Variants in BRIP1 observed in about 807,000 individuals in gnomAD.
BRIP1 encodes the protein Fanconi anemia group J protein.
BRIP1 carries 88 observed loss-of-function variants against 119.7 expected under a neutral mutation model. The ratio of observed to expected loss-of-function variants is 0.74; its 90% CI spans 0.62 to 0.88. The LOEUF is 0.88. Ranked by LOEUF, BRIP1 falls within the 40% of genes least tolerant of loss-of-function variation. The pLI, the probability that BRIP1 is intolerant of heterozygous loss-of-function variation, is 0.00. For synonymous variants in BRIP1, 443 were observed against 496.5 expected, an observed-to-expected ratio of 0.89 and a Z score of 1.43; for missense variants, 1,259 against 1,455.4, an observed-to-expected ratio of 0.87 and a Z score of 2.20.
chr17:61,732,673 A>G (rs2076865275), intron 16 of BRIP1, among the ~76,000 whole-genome samples: 1 of 152,178 alleles, frequency 6.6e-6, no homozygotes, highest in Non-Finnish European at 1.5e-5. Flanking sequence ...TAAGTGCATG[A>G]CAAAACATTC....
At chr17:61,800,976 A>G (rs1245275701) in intron 8 of BRIP1, among the ~76,000 whole-genome samples, 3 of 152,210 alleles carry the variant, frequency 2.0e-5, no homozygotes, top group Non-Finnish European at 4.4e-5. Context: ...ATGTTTCTAA[A>G]TAATTCTTTT....
In BRIP1 at chr17:61,690,699, G is replaced by C. The variant is rs1241311670; in HGVS notation, c.2575+2731C>G. ...ACTAAGAATCCTAGCCAGACTATTAGGCAAGAAAATGAAATAAAAGGAATC... is the reference window on the plus strand; with the variant it reads ...ACTAAGAATCCTAGCCAGACTATTACGCAAGAAAATGAAATAAAAGGAATC... On this transcript the variant is annotated intron_variant, in intron 18 of 19. Transcript: ENST00000259008. The surrounding 1 kb of genome is among the most constrained non-coding windows in gnomAD (Gnocchi z 5.6). Among the ~76,000 whole-genome samples, 1 of 151,832 alleles carries C rather than the reference G, an allele frequency of 6.6e-6. No individual in the cohort carries two copies. Among genetic ancestry groups the C allele is most frequent in the African/African-American group, 2.4e-5 (1 of 41,310 alleles).
At position 61,823,738 on chromosome 17, in the gene BRIP1, T is replaced by C. The variant is rs1253857598; in HGVS notation, c.628-14981A>G. Among the ~76,000 whole-genome samples the C allele has an allele frequency of 6.8e-6, 1 of 147,780 alleles. No individual in the cohort carries two copies. Among genetic ancestry groups the C allele is most frequent in the African/African-American group, 2.5e-5 (1 of 39,512 alleles). ...AAAACCATAGATCCAAAAAGCTCAA[T>C]GACCCCAAGCACACAATAAACACAC... On this transcript the variant is annotated intron_variant, in intron 6 of 19. Coordinates refer to ENST00000259008, the MANE Select transcript of BRIP1 (RefSeq NM_032043.3). This position sits in a 1 kb window ranked among gnomAD's most constrained non-coding sequence, Gnocchi z 4.8.
intron 18 of BRIP1, among the ~76,000 whole-genome samples, chr17:61,688,884 A>C (rs1329332014): frequency 1.3e-5 from 2 of 152,066 alleles, no homozygotes; most frequent in Admixed American, 6.6e-5. Context: ...AATACAAAAA[A>C]GAACTAAAGA....
rs1480624874 is a variant in BRIP1, at chr17:61,720,929, C to T, written c.2380-4866G>A. Reference sequence around the variant, plus strand: ...CATGATCTTGGCTCACTGCAACCTCCGCCTCCCAGGTTCAAGCAGTTCTCC... The same window carrying T: ...CATGATCTTGGCTCACTGCAACCTCTGCCTCCCAGGTTCAAGCAGTTCTCC... On this transcript the variant is annotated intron_variant, in intron 16 of 19. Coordinates refer to ENST00000259008, the MANE Select transcript of BRIP1 (RefSeq NM_032043.3). This position sits in a 1 kb window ranked among gnomAD's most constrained non-coding sequence, Gnocchi z 4.3. Among the ~76,000 whole-genome samples the T allele has an allele frequency of 4.6e-5, 7 of 151,514 alleles. No homozygotes were observed. The highest frequency in any genetic ancestry group is 1.3e-4 in the Admixed American group (2 of 15,234).
In BRIP1 at chr17:61,697,886, A is replaced by C. The variant is rs530771408; in HGVS notation, c.2493-4374T>G. On this transcript the variant is annotated intron_variant, in intron 17 of 19. Coordinates refer to ENST00000259008, the MANE Select transcript of BRIP1 (RefSeq NM_032043.3). Reference sequence around the variant, plus strand: ...AGTGGCATGATCTCAGCTCACTGAAACCTCCGCCCCCTGGGCTCAAGCAGT... The same window carrying C: ...AGTGGCATGATCTCAGCTCACTGAACCCTCCGCCCCCTGGGCTCAAGCAGT... Among the ~76,000 whole-genome samples, 14 of 151,746 alleles carry C rather than the reference A, an allele frequency of 9.2e-5. No individual in the cohort carries two copies. The East Asian group carries it at 2.5e-3, about 27-fold the overall frequency.
intron 14 of BRIP1, among the ~76,000 whole-genome samples, chr17:61,765,666 C>T (rs2077363147): frequency 6.6e-6 from 1 of 150,474 alleles, no homozygotes; most frequent in South Asian, 2.1e-4. Context: ...AACTCCTGAC[C>T]TCAGGTGATC....
rs769880594 is a variant in BRIP1, at chr17:61,748,599, T to C, written c.2098-4008A>G. On this transcript the variant is annotated intron_variant, in intron 14 of 19. Transcript: ENST00000259008. The surrounding 1 kb of genome is among the most constrained non-coding windows in gnomAD (Gnocchi z 4.7). ...AAACCCACCATAATCAAAATAGTAATTGCATTGCCATAAAGACAGACATAT... is the reference window on the plus strand; with the variant it reads ...AAACCCACCATAATCAAAATAGTAACTGCATTGCCATAAAGACAGACATAT... Among the ~76,000 whole-genome samples, 1 of 152,094 alleles carries C rather than the reference T, an allele frequency of 6.6e-6. No homozygotes were observed. Among genetic ancestry groups the C allele is most frequent in the African/African-American group, 2.4e-5 (1 of 41,400 alleles).
intron 16 of BRIP1, among the ~76,000 whole-genome samples, chr17:61,721,419 G>A (rs1158091972): frequency 6.6e-6 from 1 of 151,752 alleles, no homozygotes; most frequent in Non-Finnish European, 1.5e-5. Context: ...ACAGGCGTGT[G>A]CCACCACGCC....
intron 10 of BRIP1, among the ~76,000 whole-genome samples, chr17:61,788,692 A>T (rs560106044): frequency 6.6e-6 from 1 of 152,228 alleles, no homozygotes; most frequent in African/African-American, 2.4e-5. Context: ...GTAGTGGTTC[A>T]CTCTTGTAAT....
chr17:61,823,757 AACACACACACACACACACACAC>A lies in BRIP1; in HGVS notation c.628-15022_628-15001del, dbSNP rs144749656. Among the ~76,000 whole-genome samples, 2 of 131,670 alleles carry A rather than the reference AACACACACACACACACACACAC, an allele frequency of 1.5e-5. No homozygotes were observed. Among genetic ancestry groups the A allele is most frequent in the Admixed American group, 8.0e-5 (1 of 12,552 alleles). 86.4% of individuals were successfully genotyped at this position (131,670 alleles called of 152,430 possible). A position where few individuals can be genotyped will look rare whatever the true frequency, so the allele number is the denominator to read the frequency against. ...GCTCAATGACCCCAAGCACACAATA[AACACACACACACACACACACAC>A]ACACACACACACACACACCTTAGTT... On this transcript the variant is annotated intron_variant, in intron 6 of 19. Coordinates refer to ENST00000259008, the MANE Select transcript of BRIP1 (RefSeq NM_032043.3). The surrounding 1 kb of genome is among the most constrained non-coding windows in gnomAD (Gnocchi z 4.8).
intron 16 of BRIP1, among the ~76,000 whole-genome samples, chr17:61,728,769 C>CT: frequency 6.6e-6 from 1 of 152,112 alleles, no homozygotes; most frequent in South Asian, 2.1e-4. Flanking sequence ...GTTATCTGGG[C>CT]TTGATGAGCA....
chr17:61,838,601 T>C (rs1284590083), intron 6 of BRIP1, among the ~76,000 whole-genome samples: 1 of 151,382 alleles, frequency 6.6e-6, no homozygotes, highest in Non-Finnish European at 1.5e-5. Context: ...AAAGCATCAT[T>C]AAATCTAGTC....
Position 61,803,368 on chromosome 17 carries a change from A to G in BRIP1, c.919-1894T>C, listed in dbSNP as rs2078024812. Reference sequence around the variant, plus strand: ...CAAAGTGCTGGGGATTACAGGCATGAGCCACTGCACTCCACCCCATTCTAT... The same window carrying G: ...CAAAGTGCTGGGGATTACAGGCATGGGCCACTGCACTCCACCCCATTCTAT... On this transcript the variant is annotated intron_variant, in intron 7 of 19. Transcript: ENST00000259008. This position sits in a 1 kb window ranked among gnomAD's most constrained non-coding sequence, Gnocchi z 4.3. 6.6e-6 allele frequency among the ~76,000 whole-genome samples: 1 copy of G among 152,092 alleles called. No individual in the cohort carries two copies. The highest frequency in any genetic ancestry group is 6.5e-5 in the Admixed American group (1 of 15,268).
intron 14 of BRIP1, among the ~76,000 whole-genome samples, chr17:61,750,370 A>G (rs2077115456): frequency 6.6e-6 from 1 of 152,232 alleles, no homozygotes; most frequent in Non-Finnish European, 1.5e-5. Flanking sequence ...TTAACTCAAC[A>G]TTGGTCAAAG....
intron 5 of BRIP1, 67 bp downstream of exon 5, chr17:61,849,062 A>T: frequency 6.4e-7 from 1 of 1,560,760 alleles, no homozygotes; most frequent in Non-Finnish European, 8.8e-7. Flanking sequence ...CATTAAAAAC[A>T]TGATACTTGA....
In BRIP1 at chr17:61,769,479, G is replaced by A. The variant is rs918741880; in HGVS notation, c.2097+6922C>T. Among the ~76,000 whole-genome samples, 1 of 152,048 alleles carries A rather than the reference G, an allele frequency of 6.6e-6. No individual in the cohort carries two copies. The highest frequency in any genetic ancestry group is 1.5e-5 in the Non-Finnish European group (1 of 68,024). ...AATATTAATACATTTAATAACTGTAGTCACTGTACTATGTGAGAATTGACA... is the reference window on the plus strand; with the variant it reads ...AATATTAATACATTTAATAACTGTAATCACTGTACTATGTGAGAATTGACA... On this transcript the variant is annotated intron_variant, in intron 14 of 19. Transcript: ENST00000259008. The surrounding 1 kb of genome is among the most constrained non-coding windows in gnomAD (Gnocchi z 4.9).
At position 61,804,438 on chromosome 17, in the gene BRIP1, GTGTGTGTGTA is replaced by G. The variant is rs1200444542; in HGVS notation, c.919-2974_919-2965del. On this transcript the variant is annotated intron_variant, in intron 7 of 19. Coordinates refer to ENST00000259008, the MANE Select transcript of BRIP1 (RefSeq NM_032043.3). The surrounding 1 kb of genome is among the most constrained non-coding windows in gnomAD (Gnocchi z 4.5). ...TGTGTGTGTGTGTGTGTGTGTGTGTGTGTGTGTGTATGTGTGTGTACATACACATACATAT... is the reference window on the plus strand; with the variant it reads ...TGTGTGTGTGTGTGTGTGTGTGTGTGTGTGTGTGTACATACACATACATAT... Among the ~76,000 whole-genome samples, 77 of 128,866 alleles carry G rather than the reference GTGTGTGTGTA, an allele frequency of 6.0e-4. No homozygotes were observed. Among genetic ancestry groups the G allele is most frequent in the African/African-American group, 2.4e-3 (75 of 31,064 alleles). The allele number at this position is 128,866 out of a possible 152,430, so 84.5% of individuals were successfully genotyped here.
intron 6 of BRIP1, among the ~76,000 whole-genome samples, chr17:61,833,593 C>T (rs568119662): frequency 7.7e-4 from 117 of 151,680 alleles, no homozygotes; most frequent in Non-Finnish European, 1.2e-3. Flanking sequence ...ATTGCTTGAA[C>T]CCAGGAGGTG....
Sources: gnomAD v4.1 joint callset for allele counts (sites outside exome capture counted in the v4.1 genomes callset) on GRCh38, gnomAD v4.1.1 for gene constraint, Gnocchi (gnomAD v3.1) non-coding constraint, MANE v1.5 for transcripts, NCBI Gene and HGNC (gene_info 2026-07-23, HGNC 2026-07-21) for gene names.